C10orf90: variants seen among roughly 807,000 people sequenced by gnomAD.
C10orf90 encodes the protein (E2-independent) E3 ubiquitin-conjugating enzyme FATS.
In C10orf90, 56 loss-of-function variants were observed where a neutral mutation model predicts 62.5. The ratio of observed to expected loss-of-function variants is 0.90; its 90% CI spans 0.72 to 1.12. The LOEUF (loss-of-function observed/expected upper bound fraction) is 1.12, where lower values mean the gene tolerates loss of function less well. Ranked by LOEUF, C10orf90 falls within the 50% of genes most tolerant of loss-of-function variation. C10orf90 has a pLI of 0.00. For synonymous variants in C10orf90, 386 were observed against 340.4 expected (o/e 1.13, Z -1.47); for missense variants, 970 against 880.4 (o/e 1.10, Z -1.29).
At chr10:126,637,639 C>T (rs371827377) in intron 2 of C10orf90, among the ~76,000 whole-genome samples, 6 of 152,160 alleles carry the variant, frequency 3.9e-5, no homozygotes, top group African/African-American at 1.2e-4. Context: ...CAGGTCAGGT[C>T]GGTGAGGGTC....
At chr10:126,628,390 T>C (rs898636422) in intron 2 of C10orf90, among the ~76,000 whole-genome samples, 2 of 152,078 alleles carry the variant, frequency 1.3e-5, no homozygotes, top group African/African-American at 4.8e-5. Context: ...TATGGACGGA[T>C]GGATGGATGG....
intron 2 of C10orf90, among the ~76,000 whole-genome samples, chr10:126,584,922 A>G (rs1188248808): frequency 6.6e-6 from 1 of 151,964 alleles, no homozygotes; most frequent in Non-Finnish European, 1.5e-5. Context: ...CTAAAAGTAC[A>G]CACAGACACA....
At chr10:126,589,612 C>T (rs1844940241) in intron 2 of C10orf90, among the ~76,000 whole-genome samples, 1 of 152,130 alleles carries the variant, frequency 6.6e-6, no homozygotes, top group Non-Finnish European at 1.5e-5. Flanking sequence ...AACTAAGATT[C>T]ATAAGCAAAG....
chr10:126,649,624 A>G (rs1846252433), intron 1 of C10orf90, among the ~76,000 whole-genome samples: 1 of 152,114 alleles, frequency 6.6e-6, no homozygotes, highest in East Asian at 1.9e-4. Context: ...CTGATTCATA[A>G]GCTCCTGCAG....
intron 4 of C10orf90, among the ~76,000 whole-genome samples, chr10:126,471,730 C>T (rs1860596559): frequency 6.6e-6 from 1 of 152,064 alleles, no homozygotes; most frequent in African/African-American, 2.4e-5. Context: ...GTAGTTGCTG[C>T]AAAGTAGGAA....
At chr10:126,601,302 G>A (rs1026498595) in intron 2 of C10orf90, among the ~76,000 whole-genome samples, 1 of 152,130 alleles carries the variant, frequency 6.6e-6, no homozygotes, top group East Asian at 1.9e-4. Flanking sequence ...GTAATCAAAT[G>A]TATTTGAAAT....
At position 126,579,305 on chromosome 10, in the gene C10orf90, C is replaced by T. The variant is rs535897563; in HGVS notation, c.314-65366G>A. 2.7e-5 allele frequency among the ~76,000 whole-genome samples: 4 copies of T among 147,902 alleles called. No homozygotes were observed. The Admixed American group carries it at 2.7e-4, about 10-fold the overall frequency. On this transcript the variant is annotated intron_variant, in intron 2 of 9. Transcript: ENST00000488181. The stretch of plus-strand genomic sequence containing the variant: ...TTTTTTTTTTTGAGACAGAGTCTCA[C>T]TCTTGGCTCACCACAACTTCTGCCT...
intron 1 of C10orf90, among the ~76,000 whole-genome samples, chr10:126,649,498 C>A (rs556009352): frequency 6.6e-6 from 1 of 152,112 alleles, no homozygotes. Context: ...ACAGGGCCCT[C>A]GCACGCATTG....
intron 7 of C10orf90, among the ~76,000 whole-genome samples, chr10:126,439,740 A>C (rs929184630): frequency 1.1e-4 from 17 of 152,224 alleles, no homozygotes; most frequent in African/African-American, 4.1e-4. Context: ...ATTCAAAGGC[A>C]GGTTATTTAA....
intron 2 of C10orf90, among the ~76,000 whole-genome samples, chr10:126,636,784 A>C (rs1845960085): frequency 6.6e-6 from 1 of 152,212 alleles, no homozygotes. Flanking sequence ...AGCAAAAGCC[A>C]CTAAAAAAAA....
chr10:126,484,832 T>C (rs1861342510), intron 4 of C10orf90, among the ~76,000 whole-genome samples: 1 of 152,222 alleles, frequency 6.6e-6, no homozygotes, highest in African/African-American at 2.4e-5. Context: ...ACATTAGGAA[T>C]ATAGTTTAAA....
chr10:126,573,582 G>A (rs1317986427), intron 2 of C10orf90, among the ~76,000 whole-genome samples: 1 of 152,078 alleles, frequency 6.6e-6, no homozygotes, highest in East Asian at 1.9e-4. Flanking sequence ...CTTTAACAGA[G>A]GGGTCCCCCA....
At chr10:126,492,059 G>A (rs1309650010) in intron 4 of C10orf90, among the ~76,000 whole-genome samples, 2 of 152,226 alleles carry the variant, frequency 1.3e-5, no homozygotes, top group African/African-American at 2.4e-5. Flanking sequence ...TCCTGGATCG[G>A]ATCCTGGAAC....
At position 126,545,464 on chromosome 10, in the gene C10orf90, T is replaced by TAA. The variant is rs11446250; in HGVS notation, c.314-31527_314-31526dup. Among the ~76,000 whole-genome samples, 124 of 150,258 alleles carry TAA rather than the reference T, an allele frequency of 8.3e-4. 1 individual carries two copies. The East Asian group carries it at 9.0e-3, about 11-fold the overall frequency. On this transcript the variant is annotated intron_variant, in intron 2 of 9. Transcript: ENST00000488181. ...CCTTTAGATTTTTTAGTCACTGATT[T>TAA]AAAAAAAAAACCTTTAAAAGTATTC... is the stretch of plus-strand genomic sequence containing the variant.
chr10:126,666,302 GA>G (rs1268401615), intron 1 of C10orf90, among the ~76,000 whole-genome samples: 1 of 151,890 alleles, frequency 6.6e-6, no homozygotes, highest in African/African-American at 2.4e-5. Flanking sequence ...CAAACAAATC[GA>G]AAAAATAAGC....
At chr10:126,599,492 T>C (rs1193544487) in intron 2 of C10orf90, among the ~76,000 whole-genome samples, 1 of 151,814 alleles carries the variant, frequency 6.6e-6, no homozygotes, top group Non-Finnish European at 1.5e-5. Flanking sequence ...AAGACAAGGC[T>C]GGGATCAGCT....
chr10:126,484,535 T>C (rs1044147672), intron 4 of C10orf90, among the ~76,000 whole-genome samples: 8 of 152,196 alleles, frequency 5.3e-5, no homozygotes, highest in African/African-American at 1.9e-4. Context: ...TTTTCACCTA[T>C]CAAATTAGTA....
rs530569644 is a variant in C10orf90 at position 126,442,023 on chromosome 10, C to T, written c.2189-12173G>A. ...AAAACCAAGGTACATAGGCAATAAA[C>T]AGCACAATGAATAAAATGGTACCTC... On this transcript the variant is annotated intron_variant, in intron 7 of 9. Coordinates refer to ENST00000488181, the MANE Select transcript of C10orf90 (RefSeq NM_001350921.2). Among the ~76,000 whole-genome samples, 7 of 152,020 alleles carry T rather than the reference C, an allele frequency of 4.6e-5. No homozygotes were observed. The East Asian group carries it at 1.4e-3, about 30-fold the overall frequency.
intron 2 of C10orf90, among the ~76,000 whole-genome samples, chr10:126,622,200 G>C (rs547245301): frequency 6.6e-6 from 1 of 152,266 alleles, no homozygotes; most frequent in East Asian, 1.9e-4. Flanking sequence ...GGACATAGTA[G>C]CAATCAAAGG....
Sources: allele counts gnomAD v4.1 joint callset (sites outside exome capture counted in the v4.1 genomes callset), GRCh38; gene constraint gnomAD v4.1.1; transcripts MANE v1.5; gene names NCBI Gene and HGNC (gene_info 2026-07-23, HGNC 2026-07-21).